Variants in CDH12 observed in about 807,000 individuals in gnomAD.
The protein encoded by CDH12 is cadherin-12.
A neutral mutation model predicts 74.1 loss-of-function variants in CDH12; 41 were observed. The ratio of observed to expected loss-of-function variants is 0.55; its 90% confidence interval spans 0.43 to 0.72. CDH12 has a LOEUF of 0.72. Among genes scored for constraint, CDH12 ranks in the 30% least tolerant of loss-of-function variants. CDH12 has a pLI of 0.00. For missense variants in CDH12, 945 were observed against 977.2 expected (o/e 0.97, Z 0.44); for synonymous variants, 399 against 355.0 (o/e 1.12, Z -1.39).
chr5:22,225,602 CT>C (rs1334798824), intron 3 of CDH12, among the ~76,000 whole-genome samples: 1 of 152,068 alleles, frequency 6.6e-6, no homozygotes, highest in African/African-American at 2.4e-5. Flanking sequence ...TCTTTCTCCT[CT>C]TATTTTTACT....
At chr5:22,476,130 A>G (rs1746159203) in intron 2 of CDH12, among the ~76,000 whole-genome samples, 1 of 152,042 alleles carries the variant, frequency 6.6e-6, no homozygotes, top group Non-Finnish European at 1.5e-5. Context: ...TTATGTATTT[A>G]TCACTGTCAC....
intron 2 of CDH12, among the ~76,000 whole-genome samples, chr5:22,474,144 T>C (rs1399051792): frequency 2.6e-5 from 4 of 152,262 alleles, no homozygotes; most frequent in Non-Finnish European, 4.4e-5. Flanking sequence ...CTTATTTTCT[T>C]TCACGAATAT....
intron 3 of CDH12, among the ~76,000 whole-genome samples, chr5:22,262,517 G>A (rs1204406640): frequency 6.6e-6 from 1 of 151,170 alleles, no homozygotes; most frequent in African/African-American, 2.4e-5. Context: ...GTCTATCATT[G>A]TTGGACATTT....
At chr5:22,631,812 G>C (rs1018186234) in intron 1 of CDH12, among the ~76,000 whole-genome samples, 1 of 152,076 alleles carries the variant, frequency 6.6e-6, no homozygotes, top group African/African-American at 2.4e-5. Context: ...GACTGGAGCA[G>C]GACAAAGAGA....
intron 1 of CDH12, among the ~76,000 whole-genome samples, chr5:22,559,165 T>C (rs1252011427): frequency 2.0e-5 from 3 of 152,002 alleles, no homozygotes; most frequent in Non-Finnish European, 4.4e-5. Context: ...ATAATGAAAC[T>C]GGGCAGAGAA....
intron 1 of CDH12, among the ~76,000 whole-genome samples, chr5:22,757,858 A>G (rs1746010712): frequency 6.6e-6 from 1 of 152,210 alleles, no homozygotes; most frequent in African/African-American, 2.4e-5. Flanking sequence ...ATCACTGTGG[A>G]TAATCCCATT....
chr5:22,327,613 C>T (rs777680481), intron 3 of CDH12, among the ~76,000 whole-genome samples: 7 of 152,108 alleles, frequency 4.6e-5, no homozygotes, highest in Non-Finnish European at 1.0e-4. Context: ...GGTCATAGAG[C>T]GCTAGTCCTG....
At chr5:22,612,825 G>C (rs967971179) in intron 1 of CDH12, among the ~76,000 whole-genome samples, 32 of 151,982 alleles carry the variant, frequency 2.1e-4, no homozygotes, top group Non-Finnish European at 2.9e-5. Flanking sequence ...GACTAATTCA[G>C]GGCATAAAAT....
intron 4 of CDH12, among the ~76,000 whole-genome samples, chr5:22,110,029 C>A (rs1219923815): frequency 6.6e-6 from 1 of 152,144 alleles, no homozygotes; most frequent in Non-Finnish European, 1.5e-5. Flanking sequence ...AGAAAAGGGA[C>A]TGGGAAGATA....
intron 6 of CDH12, among the ~76,000 whole-genome samples, chr5:21,899,679 G>C (rs745823108): frequency 2.0e-5 from 3 of 149,478 alleles, no homozygotes; most frequent in Non-Finnish European, 4.5e-5. Flanking sequence ...GAAATGTATA[G>C]AGGATTAACC....
At chr5:22,063,895 A>G (rs764992771) in intron 5 of CDH12, among the ~76,000 whole-genome samples, 3 of 151,998 alleles carry the variant, frequency 2.0e-5, no homozygotes, top group Non-Finnish European at 2.9e-5. Context: ...GATGGCTTAC[A>G]CTGCAGATCG....
chr5:22,059,118 GAAT>G (rs1740973924), intron 5 of CDH12, among the ~76,000 whole-genome samples: 1 of 152,074 alleles, frequency 6.6e-6, no homozygotes, highest in Non-Finnish European at 1.5e-5. Flanking sequence ...ATCAGGTAGT[GAAT>G]AAGAAAGATA....
At chr5:21,894,404 A>G (rs1465560942) in intron 6 of CDH12, among the ~76,000 whole-genome samples, 1 of 150,608 alleles carries the variant, frequency 6.6e-6, no homozygotes, top group Non-Finnish European at 1.5e-5. Flanking sequence ...AAAAAAAAAA[A>G]GAAAGCATAA....
chr5:22,110,625 T>C (rs1179528684), intron 4 of CDH12, among the ~76,000 whole-genome samples: 1 of 152,026 alleles, frequency 6.6e-6, no homozygotes, highest in East Asian at 1.9e-4. Flanking sequence ...ATCAGTGTCA[T>C]ACATGCAAAA....
chr5:22,286,988 A>C (rs1421988092), intron 3 of CDH12, among the ~76,000 whole-genome samples: 2 of 152,200 alleles, frequency 1.3e-5, no homozygotes, highest in South Asian at 2.1e-4. Context: ...TTCCATAACC[A>C]GGTGGGGTAT....
At chr5:22,571,415 C>T (rs575305814) in intron 1 of CDH12, among the ~76,000 whole-genome samples, 1 of 152,278 alleles carries the variant, frequency 6.6e-6, no homozygotes, top group South Asian at 2.1e-4. Flanking sequence ...CAACCTCCGC[C>T]TCCTGAGTTA....
chr5:22,807,021 G>A (rs908670967), intron 1 of CDH12, among the ~76,000 whole-genome samples: 1 of 152,004 alleles, frequency 6.6e-6, no homozygotes. Flanking sequence ...CATTACTTTT[G>A]GTGTTTTAGT....
chr5:21,992,300 G>T (rs939552164), intron 5 of CDH12, among the ~76,000 whole-genome samples: 21 of 152,110 alleles, frequency 1.4e-4, no homozygotes, highest in African/African-American at 5.1e-4. Context: ...ACTGCTTTTA[G>T]CAAGTATATA....
chr5:21,901,995 T>G (rs1753411369), intron 6 of CDH12, among the ~76,000 whole-genome samples: 1 of 152,168 alleles, frequency 6.6e-6, no homozygotes, highest in African/African-American at 2.4e-5. Flanking sequence ...ATAATAATCG[T>G]CATGTACTGC....
Sources: gnomAD v4.1 joint callset for allele counts (sites outside exome capture counted in the v4.1 genomes callset) on GRCh38, gnomAD v4.1.1 for gene constraint, MANE v1.5 for transcripts, NCBI Gene and HGNC (gene_info 2026-07-23, HGNC 2026-07-21) for gene names.